Variants in DENND1A observed in about 807,000 individuals in gnomAD.
DENND1A encodes DENN domain containing 1A, also known as DENN domain-containing protein 1A.
Under a neutral mutation model 113.7 loss-of-function variants are expected in DENND1A, and 51 were observed. The observed-to-expected ratio is 0.45, with a 90% confidence interval of 0.36 to 0.57. DENND1A has a LOEUF of 0.57. Among genes scored for constraint, DENND1A ranks in the 20% least tolerant of loss-of-function variants. DENND1A has a pLI of 0.00. For synonymous variants in DENND1A, 565 were observed against 570.8 expected (o/e 0.99, Z 0.14); for missense variants, 1,258 against 1,395.9 (o/e 0.90, Z 1.57).
intron 11 of DENND1A, among the ~76,000 whole-genome samples, chr9:123,598,184 C>T (rs868773652): frequency 7.2e-5 from 11 of 152,198 alleles, no homozygotes; most frequent in African/African-American, 2.7e-4. Flanking sequence ...TGACCCTACA[C>T]AGGTGACTCT....
chr9:123,646,337 T>C (rs1174397463), intron 9 of DENND1A, among the ~76,000 whole-genome samples: 1 of 151,930 alleles, frequency 6.6e-6, no homozygotes, highest in Non-Finnish European at 1.5e-5. Flanking sequence ...AATTAGTAAA[T>C]AGGTAACTCT....
intron 5 of DENND1A, among the ~76,000 whole-genome samples, chr9:123,685,261 C>A (rs1430483942): frequency 6.6e-6 from 1 of 152,202 alleles, no homozygotes; most frequent in Non-Finnish European, 1.5e-5. Context: ...ACACAATCCT[C>A]TTTGGGAGCT....
chr9:123,811,588 T>G (rs985647475), intron 2 of DENND1A, among the ~76,000 whole-genome samples: 2 of 152,048 alleles, frequency 1.3e-5, no homozygotes, highest in Non-Finnish European at 2.9e-5. Context: ...TGAAACCCCG[T>G]CTCTACTAAA....
At position 123,671,522 on chromosome 9, in the gene DENND1A, A is replaced by C. The variant is rs1384365638; in HGVS notation, c.373-151T>G. 4.2e-6 allele frequency: 3 copies of C among 714,656 alleles called. No homozygotes were observed. In the African/African-American group the frequency reaches 5.4e-5, roughly 13 times the overall value. 44.3% of individuals were successfully genotyped at this position (714,656 alleles called of 1,614,324 possible). A position where few individuals can be genotyped will look rare whatever the true frequency, so the allele number is the denominator to read the frequency against. Reference sequence around the variant, plus strand: ...TTTGATATTCATGTAGGGTTTGACAAAAGACACCACGTATGCCTCAAACAT... The same window carrying C: ...TTTGATATTCATGTAGGGTTTGACACAAGACACCACGTATGCCTCAAACAT... On this transcript the variant is annotated intron_variant, in intron 6 of 23. Transcript: ENST00000394215.
intron 4 of DENND1A, among the ~76,000 whole-genome samples, chr9:123,765,556 C>T (rs1397235279): frequency 3.3e-5 from 5 of 151,986 alleles, no homozygotes; most frequent in African/African-American, 1.2e-4. Context: ...TTGTGTGTGC[C>T]AGTATAATTT....
At chr9:123,813,448 A>G (rs1239024931) in intron 2 of DENND1A, among the ~76,000 whole-genome samples, 2 of 151,816 alleles carry the variant, frequency 1.3e-5, no homozygotes. Context: ...TCTCAAATAG[A>G]GGAATTGCCT....
chr9:123,416,987 CTT>C (rs2044780540), intron 19 of DENND1A, among the ~76,000 whole-genome samples: 2 of 152,240 alleles, frequency 1.3e-5, no homozygotes, highest in Admixed American at 1.3e-4. Flanking sequence ...AAGAAATAGA[CTT>C]CGGGTTAGAA....
Position 123,851,775 on chromosome 9 carries a change from T to C in DENND1A, c.88+27176A>G, listed in dbSNP as rs139143250. 6.6e-3 allele frequency among the ~76,000 whole-genome samples: 1,007 copies of C among 152,316 alleles called. 4 individuals carry two copies. Among genetic ancestry groups the C allele is most frequent in the Non-Finnish European group, 0.011 (740 of 68,018 alleles). ...AGGCTCCTACGGGGAGAAACACAGC[T>C]AGCCTGGACTGAAAGGAACAAAGAA... On this transcript the variant is annotated intron_variant, in intron 2 of 23. Coordinates refer to ENST00000394215, the MANE Select transcript of DENND1A (RefSeq NM_001352964.2).
intron 13 of DENND1A, among the ~76,000 whole-genome samples, chr9:123,505,855 C>T (rs2134365564): frequency 6.6e-6 from 1 of 152,232 alleles, no homozygotes; most frequent in Non-Finnish European, 1.5e-5. Flanking sequence ...TCTCGGATGG[C>T]CTTGGGTCAG....
At chr9:123,660,218 A>T (rs1335210657) in intron 8 of DENND1A, among the ~76,000 whole-genome samples, 1 of 152,148 alleles carries the variant, frequency 6.6e-6, no homozygotes, top group Admixed American at 6.5e-5. Context: ...TAAGGATTAA[A>T]GTGGAAGCAT....
Position 123,381,236 on chromosome 9 carries a change from G to A in DENND1A, c.*196C>T, listed in dbSNP as rs933779631. The A allele has an allele frequency of 1.4e-5, 9 of 623,584 alleles. No homozygotes were observed. The highest frequency in any genetic ancestry group is 2.5e-5 in the Non-Finnish European group (9 of 359,298). The allele number at this position is 623,584 out of a possible 1,614,324, so 38.6% of individuals were successfully genotyped here. On this transcript the variant is annotated 3_prime_UTR_variant, in exon 24 of 24. Coordinates refer to ENST00000394215, the MANE Select transcript of DENND1A (RefSeq NM_001352964.2). The surrounding 1 kb of genome is among the most constrained non-coding windows in gnomAD (Gnocchi z 4.7). Reference sequence around the variant, plus strand: ...ACTCAGGAACTGGGTTGATTCCCAGGCTGGAACTGGTGCCATTCCCCAGGG... The same window carrying A: ...ACTCAGGAACTGGGTTGATTCCCAGACTGGAACTGGTGCCATTCCCCAGGG...
intron 8 of DENND1A, among the ~76,000 whole-genome samples, chr9:123,660,005 A>T (rs1450766155): frequency 6.6e-6 from 1 of 152,206 alleles, no homozygotes; most frequent in Non-Finnish European, 1.5e-5. Context: ...TTTGCTATAT[A>T]TTTAAAAAAA....
At chr9:123,457,307 A>G (rs572710699) in intron 15 of DENND1A, 41 bp downstream of exon 15, 7 of 1,482,110 alleles carry the variant, frequency 4.7e-6, no homozygotes, top group Middle Eastern at 1.7e-4. Flanking sequence ...CCTAAATGAT[A>G]GCAGCCTGCA....
At chr9:123,886,600 C>A (rs1179073916) in intron 1 of DENND1A, among the ~76,000 whole-genome samples, 1 of 152,186 alleles carries the variant, frequency 6.6e-6, no homozygotes, top group Non-Finnish European at 1.5e-5. Context: ...CTAGCAAACA[C>A]CACCTAATAA....
chr9:123,674,333 GTC>G (rs147489412), intron 6 of DENND1A, among the ~76,000 whole-genome samples: 1,159 of 113,760 alleles, frequency 0.01, 11 homozygotes, highest in Middle Eastern at 0.034. Flanking sequence ...CTCTGTCTCT[GTC>G]TCTCTCTCAC....
intron 6 of DENND1A, among the ~76,000 whole-genome samples, chr9:123,674,387 CA>C (rs2063937278): frequency 6.9e-6 from 1 of 145,572 alleles, no homozygotes; most frequent in South Asian, 2.2e-4. Flanking sequence ...CACACACACA[CA>C]CACACAATAG....
chr9:123,477,625 G>C (rs1235148821), intron 13 of DENND1A, among the ~76,000 whole-genome samples: 3 of 151,858 alleles, frequency 2.0e-5, no homozygotes. Flanking sequence ...TTAGGGAAAA[G>C]AGCCAATGCA....
At position 123,382,151 on chromosome 9, in the gene DENND1A, C is replaced by T; in HGVS notation, c.2494G>A (p.Gly832Ser). 1 of 1,604,656 alleles carries T rather than the reference C, an allele frequency of 6.2e-7. No individual in the cohort carries two copies. Among genetic ancestry groups the T allele is most frequent in the Non-Finnish European group, 8.5e-7 (1 of 1,176,666 alleles). ...CTGCTCGTGCCTGCAGCCCCGGGGC[C>T]AGGGCTGAGCGGCTGGAGCAGTTCA... is the stretch of plus-strand genomic sequence containing the variant. ...PTELLQPLSP[G>S]PGAAGTSSDA... The change falls in exon 24 of 24, where the codon GGC (glycine) becomes AGC (serine). Residue 832 changes from glycine to serine, a missense_variant. Gly to Ser is a moderately conservative substitution (Grantham distance 56). Transcript: ENST00000394215.
intron 20 of DENND1A, among the ~76,000 whole-genome samples, chr9:123,404,402 G>C (rs2043765834): frequency 6.6e-6 from 1 of 152,276 alleles, no homozygotes; most frequent in South Asian, 2.1e-4. Flanking sequence ...TGGGTTGAGA[G>C]CTAAGCTGAG....
Sources: allele counts gnomAD v4.1 joint callset (sites outside exome capture counted in the v4.1 genomes callset), GRCh38; gene constraint gnomAD v4.1.1; non-coding constraint Gnocchi (gnomAD v3.1); transcripts MANE v1.5; gene names NCBI Gene and HGNC (gene_info 2026-07-23, HGNC 2026-07-21).